DLGAP2: variants seen among roughly 807,000 people sequenced by gnomAD.
DLGAP2 encodes disks large-associated protein 2.
Under a neutral mutation model 100.3 loss-of-function variants are expected in DLGAP2, and 26 were observed. That is an observed-to-expected ratio of 0.26 (90% CI 0.19 to 0.36). The LOEUF is 0.36. DLGAP2 is among the 10% of genes least tolerant of loss of function. The pLI is 1.00. For synonymous variants in DLGAP2, 886 were observed against 630.1 expected (o/e 1.41, Z -6.08); for missense variants, 1,858 against 1,453.2 (o/e 1.28, Z -4.53).
At chr8:1,596,325 A>G (rs1052672533) in intron 6 of DLGAP2, among the ~76,000 whole-genome samples, 4 of 152,206 alleles carry the variant, frequency 2.6e-5, no homozygotes, top group Non-Finnish European at 4.4e-5. Context: ...TAGTGCTGCA[A>G]TAAACATACA....
chr8:1,250,964 C>T (rs1287257927), intron 2 of DLGAP2, among the ~76,000 whole-genome samples: 2 of 152,176 alleles, frequency 1.3e-5, no homozygotes, highest in Non-Finnish European at 1.5e-5. Context: ...GACCTCGGTA[C>T]GTGGCACAGT....
At chr8:1,683,856 A>ATATATATATATGTGTG (rs1467438870) in intron 12 of DLGAP2, among the ~76,000 whole-genome samples, 1 of 62,242 alleles carries the variant, frequency 1.6e-5, no homozygotes, top group South Asian at 7.8e-4. Flanking sequence ...ATATATATAT[A>ATATATATATATGTGTG]TGTGTGTGTG....
chr8:1,414,266 G>T (rs1234446335), intron 3 of DLGAP2, among the ~76,000 whole-genome samples: 3 of 152,230 alleles, frequency 2.0e-5, no homozygotes, highest in Non-Finnish European at 4.4e-5. Context: ...TGTGGGGTTG[G>T]CATGGCGCCC....
chr8:1,451,373 G>C (rs1164426579), intron 3 of DLGAP2, among the ~76,000 whole-genome samples: 1 of 152,144 alleles, frequency 6.6e-6, no homozygotes, highest in Non-Finnish European at 1.5e-5. Flanking sequence ...GCATGCATGA[G>C]TGAGTCCTCC....
At chr8:1,164,694 C>T (rs1159258684) in intron 2 of DLGAP2, among the ~76,000 whole-genome samples, 1 of 152,152 alleles carries the variant, frequency 6.6e-6, no homozygotes, top group Non-Finnish European at 1.5e-5. Context: ...GGATCTCCAT[C>T]GTCAGTTCTG....
At chr8:1,442,336 G>A (rs1797858322) in intron 3 of DLGAP2, among the ~76,000 whole-genome samples, 2 of 151,028 alleles carry the variant, frequency 1.3e-5, no homozygotes, top group South Asian at 4.3e-4. Flanking sequence ...CACTGGGGGA[G>A]ATGGATCCAG....
intron 2 of DLGAP2, among the ~76,000 whole-genome samples, chr8:1,066,285 G>A (rs556148729): frequency 3.3e-5 from 5 of 150,722 alleles, no homozygotes; most frequent in South Asian, 4.3e-4. Context: ...TCCCCACCAC[G>A]GTCAGGTCTG....
At chr8:898,174 C>G (rs1439285195) in intron 1 of DLGAP2, among the ~76,000 whole-genome samples, 3 of 152,204 alleles carry the variant, frequency 2.0e-5, no homozygotes, top group Non-Finnish European at 4.4e-5. Context: ...GAGGGCTGTT[C>G]TTGTCTGTGA....
rs144486731 is a variant in DLGAP2 at position 1,110,396 on chromosome 8, C to A, written c.74-148455C>A. On this transcript the variant is annotated intron_variant, in intron 2 of 14. Coordinates refer to ENST00000637795, the MANE Select transcript of DLGAP2 (RefSeq NM_001346810.2). The stretch of plus-strand genomic sequence containing the variant: ...CATGTGCTTATGGAGTATGCTGGAT[C>A]TGTGAGGTGTGCATGGGTCTGAGAG... Among the ~76,000 whole-genome samples the A allele has an allele frequency of 7.1e-3, 1,035 of 145,482 alleles. 10 individuals are homozygous for A. The highest frequency in any genetic ancestry group is 0.025 in the African/African-American group (965 of 38,830).
At chr8:1,037,129 A>G (rs1802150827) in intron 2 of DLGAP2, among the ~76,000 whole-genome samples, 1 of 152,092 alleles carries the variant, frequency 6.6e-6, no homozygotes, top group South Asian at 2.1e-4. Context: ...ACGTAGAGAG[A>G]GAGGAATCCG....
intron 6 of DLGAP2, among the ~76,000 whole-genome samples, chr8:1,590,937 A>G (rs188884854): frequency 5.3e-5 from 8 of 152,350 alleles, no homozygotes; most frequent in Admixed American, 2.0e-4. Context: ...TAAAGAAGCC[A>G]TCTTCAATGG....
chr8:1,036,013 C>G (rs1802108619), intron 2 of DLGAP2, among the ~76,000 whole-genome samples: 2 of 117,028 alleles, frequency 1.7e-5, no homozygotes, highest in Non-Finnish European at 3.8e-5. Context: ...TCATCCCGAC[C>G]CCGCGTGTCA....
intron 2 of DLGAP2, among the ~76,000 whole-genome samples, chr8:1,221,325 G>C (rs371532287): frequency 6.6e-6 from 1 of 152,288 alleles, no homozygotes; most frequent in South Asian, 2.1e-4. Flanking sequence ...TTGTTTGTCT[G>C]AAAAGGATTT....
chr8:1,414,321 G>T (rs76368378), intron 3 of DLGAP2, among the ~76,000 whole-genome samples: 2,166 of 152,328 alleles, frequency 0.014, 41 homozygotes, highest in Middle Eastern at 0.061. Context: ...TCAGAATGAG[G>T]CCAACAAGTC....
chr8:956,444 G>T (rs1799599461), intron 2 of DLGAP2, among the ~76,000 whole-genome samples: 1 of 152,154 alleles, frequency 6.6e-6, no homozygotes, highest in Non-Finnish European at 1.5e-5. Flanking sequence ...GGCCAGTGAA[G>T]GCCAAATGAG....
At chr8:1,478,920 G>A (rs145475010) in intron 3 of DLGAP2, among the ~76,000 whole-genome samples, 32 of 152,344 alleles carry the variant, frequency 2.1e-4, no homozygotes, top group African/African-American at 4.8e-4. Context: ...AGATGACGGC[G>A]CATCCTGGAG....
intron 3 of DLGAP2, among the ~76,000 whole-genome samples, chr8:1,465,478 G>A (rs1798599944): frequency 6.7e-6 from 1 of 149,938 alleles, no homozygotes; most frequent in Non-Finnish European, 1.5e-5. Flanking sequence ...GTGGCTCCCA[G>A]AACTCTGGGA....
At chr8:877,519 G>A (rs983561804) in intron 1 of DLGAP2, among the ~76,000 whole-genome samples, 1 of 152,222 alleles carries the variant, frequency 6.6e-6, no homozygotes, top group Non-Finnish European at 1.5e-5. Flanking sequence ...ACTAATTGCT[G>A]CTGATTGCAA....
chr8:881,430 T>C (rs1030273604), intron 1 of DLGAP2, among the ~76,000 whole-genome samples: 1 of 151,828 alleles, frequency 6.6e-6, no homozygotes, highest in Non-Finnish European at 1.5e-5. Context: ...AAAACTTGAA[T>C]GCACCAATAG....
Sources: gnomAD v4.1 joint callset for allele counts (sites outside exome capture counted in the v4.1 genomes callset) on GRCh38, gnomAD v4.1.1 for gene constraint, MANE v1.5 for transcripts, NCBI Gene and HGNC (gene_info 2026-07-23, HGNC 2026-07-21) for gene names.